The following PCSK5 variants were observed in gnomAD, a reference collection of about 807,000 sequenced individuals.
PCSK5 encodes proprotein convertase subtilisin/kexin type 5.
In PCSK5, 129 loss-of-function variants were observed where a neutral mutation model predicts 233.2. The ratio of observed to expected loss-of-function variants is 0.55; its 90% CI spans 0.48 to 0.64. The LOEUF (loss-of-function observed/expected upper bound fraction) is 0.64. Among genes scored for constraint, PCSK5 ranks in the 30% least tolerant of loss-of-function variants. PCSK5 has a pLI of 0.00. For missense variants in PCSK5, 2,076 were observed against 2,430.1 expected (o/e 0.85, Z 3.06); for synonymous variants, 825 against 879.2 (o/e 0.94, Z 1.09).
intron 9 of PCSK5, among the ~76,000 whole-genome samples, chr9:76,117,575 C>T (rs148797588): frequency 5.3e-5 from 8 of 152,146 alleles, no homozygotes; most frequent in Non-Finnish European, 8.8e-5. Context: ...CCTTTTTCGT[C>T]TAATAGAGCT....
intron 24 of PCSK5, among the ~76,000 whole-genome samples, chr9:76,279,583 T>C (rs1206395525): frequency 6.6e-6 from 1 of 151,726 alleles, no homozygotes; most frequent in Non-Finnish European, 1.5e-5. Flanking sequence ...TGTTGTTTCC[T>C]GACTTTTTAA....
intron 16 of PCSK5, among the ~76,000 whole-genome samples, chr9:76,183,018 C>G (rs1344550450): frequency 6.6e-6 from 1 of 152,264 alleles, no homozygotes; most frequent in African/African-American, 2.4e-5. Flanking sequence ...GCCTTTCTTG[C>G]TTGCCCCAAA....
intron 32 of PCSK5, 84 bp downstream of exon 32, chr9:76,323,372 C>G: frequency 1.3e-6 from 1 of 779,796 alleles, no homozygotes; most frequent in Non-Finnish European, 2.1e-6. Context: ...TCATCTCAAT[C>G]TTTTTTTTGT....
intron 21 of PCSK5, 60 bp downstream of exon 21, chr9:76,227,665 G>A (rs974948611): frequency 2.8e-6 from 3 of 1,087,220 alleles, no homozygotes; most frequent in Non-Finnish European, 4.2e-6. Context: ...GGTGGAGAGA[G>A]GAGGTGCTCA....
rs17785866 is a variant in PCSK5, at chr9:76,297,302, G to C, written c.3523+437G>C. Among the ~76,000 whole-genome samples, 225 of 152,286 alleles carry C rather than the reference G, an allele frequency of 1.5e-3. 7 individuals carry two copies. The East Asian group carries it at 0.034, about 23-fold the overall frequency. On this transcript the variant is annotated intron_variant, in intron 27 of 37. Coordinates refer to ENST00000674117, the MANE Select transcript of PCSK5 (RefSeq NM_001372043.1). ...CCTGTAGGGTAGGCTTTTCCAATTAGACAAGCAAGAACTGCTCGAATGTAT... is the reference window on the plus strand; with the variant it reads ...CCTGTAGGGTAGGCTTTTCCAATTACACAAGCAAGAACTGCTCGAATGTAT...
intron 20 of PCSK5, among the ~76,000 whole-genome samples, chr9:76,208,229 C>T (rs1419478391): frequency 5.9e-5 from 9 of 152,108 alleles, no homozygotes; most frequent in Admixed American, 5.9e-4. Flanking sequence ...CAAACCGTAG[C>T]AGGTCCCAAG....
chr9:75,953,482 A>G (rs541004293), intron 2 of PCSK5, among the ~76,000 whole-genome samples: 2 of 152,300 alleles, frequency 1.3e-5, no homozygotes, highest in Admixed American at 6.5e-5. Context: ...GAATTTCACC[A>G]TGAGATTGTC....
chr9:76,298,054 G>A (rs912041307), intron 27 of PCSK5, among the ~76,000 whole-genome samples: 11 of 152,134 alleles, frequency 7.2e-5, no homozygotes, highest in African/African-American at 2.7e-4. Flanking sequence ...GAGTTTGTTT[G>A]GCATTCAGGC....
At chr9:75,946,587 T>C (rs769124542) in intron 2 of PCSK5, among the ~76,000 whole-genome samples, 15 of 152,212 alleles carry the variant, frequency 9.9e-5, no homozygotes, top group Non-Finnish European at 1.8e-4. Context: ...TTCCTCAATA[T>C]TTACAATATT....
intron 30 of PCSK5, among the ~76,000 whole-genome samples, chr9:76,312,935 A>T (rs1828905968): frequency 6.6e-6 from 1 of 152,196 alleles, no homozygotes. Context: ...AGTCAATGTC[A>T]TACTTCTCAG....
chr9:76,096,178 C>CATAT (rs747144896), intron 8 of PCSK5, 76 bp downstream of exon 8: 11 of 700,542 alleles, frequency 1.6e-5, no homozygotes, highest in African/African-American at 1.1e-4. Flanking sequence ...GAACCATAAA[C>CATAT]ATATATATAT....
At chr9:75,946,385 C>T (rs530164964) in intron 2 of PCSK5, among the ~76,000 whole-genome samples, 1 of 152,158 alleles carries the variant, frequency 6.6e-6, no homozygotes, top group African/African-American at 2.4e-5. Flanking sequence ...TAGCATGCCA[C>T]TCCTCTGTGG....
At chr9:76,229,769 G>A (rs1488998569) in intron 21 of PCSK5, among the ~76,000 whole-genome samples, 1 of 152,162 alleles carries the variant, frequency 6.6e-6, no homozygotes, top group Non-Finnish European at 1.5e-5. Flanking sequence ...CACATCTGGG[G>A]GCCTTCTGGA....
chr9:76,161,993 G>A (rs563708619), intron 12 of PCSK5, among the ~76,000 whole-genome samples: 8 of 152,292 alleles, frequency 5.3e-5, no homozygotes, highest in Admixed American at 1.3e-4. Context: ...TGTGGCTCTC[G>A]TTTATCCTCC....
chr9:76,188,756 C>G, intron 18 of PCSK5, 81 bp downstream of exon 18: 1 of 926,526 alleles, frequency 1.1e-6, no homozygotes, highest in Non-Finnish European at 1.7e-6. Flanking sequence ...CTCATGCAAC[C>G]CACTTGATAC....
intron 4 of PCSK5, among the ~76,000 whole-genome samples, chr9:76,026,186 C>G (rs1828417869): frequency 6.6e-6 from 1 of 152,138 alleles, no homozygotes; most frequent in Non-Finnish European, 1.5e-5. Flanking sequence ...TCAATTGTAA[C>G]TAGTAATTTT....
At chr9:75,898,225 C>T (rs1454383994) in intron 1 of PCSK5, among the ~76,000 whole-genome samples, 1 of 152,102 alleles carries the variant, frequency 6.6e-6, no homozygotes, top group Admixed American at 6.5e-5. Context: ...AAGTATGTGC[C>T]TCATTGTGCT....
intron 2 of PCSK5, among the ~76,000 whole-genome samples, chr9:75,966,654 A>G (rs1392275798): frequency 6.6e-6 from 1 of 152,234 alleles, no homozygotes; most frequent in Non-Finnish European, 1.5e-5. Context: ...GTCATTAAAC[A>G]TATGTGACAA....
At position 76,023,820 on chromosome 9, in the gene PCSK5, T is replaced by G; in HGVS notation, c.494T>G (p.Ile165Ser). 1.9e-6 allele frequency: 3 copies of G among 1,613,538 alleles called. No homozygotes were observed. The highest frequency in any genetic ancestry group is 2.5e-6 in the Non-Finnish European group (3 of 1,179,632). Residue 165 changes from isoleucine (I) to serine (S), a missense_variant, in exon 4 of 38, where the codon ATT (isoleucine) becomes AGT (serine). Coordinates refer to ENST00000674117, the MANE Select transcript of PCSK5 (RefSeq NM_001372043.1). ...AAGAGAGGCTACACGGGAAAGAACA[T>G]TGTGGTCACTATCCTGGATGACGGA... ...AWKRGYTGKN[I>S]VVTILDDGIE...
Sources: allele counts gnomAD v4.1 joint callset (sites outside exome capture counted in the v4.1 genomes callset), GRCh38; gene constraint gnomAD v4.1.1; transcripts MANE v1.5; gene names NCBI Gene and HGNC (gene_info 2026-07-23, HGNC 2026-07-21).